Variants in SLC35F2 observed in about 807,000 individuals in gnomAD.
SLC35F2 encodes queuine/queuosine transporter SLC35F2.
Under a neutral mutation model 38.1 loss-of-function variants are expected in SLC35F2, and 25 were observed. The ratio of observed to expected loss-of-function variants is 0.66; its 90% confidence interval spans 0.48 to 0.92. The LOEUF (loss-of-function observed/expected upper bound fraction) is 0.92. SLC35F2 is among the 40% of genes least tolerant of loss of function. SLC35F2 has a pLI of 0.00. For missense variants in SLC35F2, 409 were observed against 452.9 expected, an observed-to-expected ratio of 0.90 and a Z score of 0.88; for synonymous variants, 173 against 181.7, an observed-to-expected ratio of 0.95 and a Z score of 0.38.
In SLC35F2 at chr11:107,792,366, C is replaced by CCTCAT. The variant is rs1234338945; in HGVS notation, c.*244_*248dup. ...CTAAGACCCCAGTGTGGAGTCTGCA[C>CCTCAT]CTCATCTCCTCAACACGAACAGATA... On this transcript the variant is annotated 3_prime_UTR_variant, in exon 8 of 8. Coordinates refer to ENST00000525815, the MANE Select transcript of SLC35F2 (RefSeq NM_017515.5). 3 of 380,388 alleles carry CCTCAT rather than the reference C, an allele frequency of 7.9e-6. No homozygotes were observed. Among genetic ancestry groups the CCTCAT allele is most frequent in the African/African-American group, 6.3e-5 (3 of 47,508 alleles). The allele number at this position is 380,388 out of a possible 1,614,324, so 23.6% of individuals were successfully genotyped here. A position where few individuals can be genotyped will look rare whatever the true frequency, so the allele number is the denominator to read the frequency against.
chr11:107,857,867 T>C (rs544982680), intron 1 of SLC35F2, among the ~76,000 whole-genome samples: 1 of 152,224 alleles, frequency 6.6e-6, no homozygotes, highest in African/African-American at 2.4e-5. Flanking sequence ...TCTCCTAAAG[T>C]GGTGAGGATT....
intron 1 of SLC35F2, among the ~76,000 whole-genome samples, chr11:107,825,556 G>A (rs1409175510): frequency 6.6e-6 from 1 of 151,900 alleles, no homozygotes; most frequent in African/African-American, 2.4e-5. Flanking sequence ...AGTTTTAGTA[G>A]AGACGGGTTT....
At chr11:107,796,627 A>T (rs1591183043) in intron 7 of SLC35F2, among the ~76,000 whole-genome samples, 1 of 152,050 alleles carries the variant, frequency 6.6e-6, no homozygotes, top group Non-Finnish European at 1.5e-5. Context: ...GCTGTGGAGG[A>T]TGTGTGGATT....
chr11:107,805,220 C>A (rs1019815073), intron 5 of SLC35F2, 139 bp downstream of exon 5: 1 of 1,388,206 alleles, frequency 7.2e-7, no homozygotes, highest in Non-Finnish European at 9.4e-7. Context: ...TAGGTAATGG[C>A]AAAACCACAA....
At chr11:107,828,981 G>A (rs1372235706) in intron 1 of SLC35F2, among the ~76,000 whole-genome samples, 2 of 151,698 alleles carry the variant, frequency 1.3e-5, no homozygotes, top group East Asian at 1.9e-4. Context: ...GGTGGTGCAC[G>A]CCTGTAGTCC....
At position 107,858,648 on chromosome 11, in the gene SLC35F2, T is replaced by C; in HGVS notation, c.110+10A>G. 7.8e-7 allele frequency: 1 copy of C among 1,288,002 alleles called. No individual in the cohort carries two copies. Among genetic ancestry groups the C allele is most frequent in the Non-Finnish European group, 9.9e-7 (1 of 1,009,852 alleles). 79.8% of individuals were successfully genotyped at this position (1,288,002 alleles called of 1,614,324 possible). A position where few individuals can be genotyped will look rare whatever the true frequency, so the allele number is the denominator to read the frequency against. ...CCCCAGCGGAGCTGCAGCACGCCCC[T>C]TCCACTCACCAGGTGAAGAGTTTGC... On this transcript the variant is annotated intron_variant, in intron 1 of 7. Transcript: ENST00000525815.
intron 1 of SLC35F2, among the ~76,000 whole-genome samples, chr11:107,820,093 T>C (rs1049620198): frequency 6.6e-6 from 1 of 151,430 alleles, no homozygotes; most frequent in African/African-American, 2.4e-5. Context: ...CAGTCTCTAC[T>C]AAAAATACAA....
intron 6 of SLC35F2, among the ~76,000 whole-genome samples, chr11:107,804,328 A>G (rs1276952809): frequency 6.6e-6 from 1 of 152,122 alleles, no homozygotes; most frequent in African/African-American, 2.4e-5. Context: ...GACAGGAGCA[A>G]TGGGAGGTGA....
chr11:107,802,232 C>A (rs1254109226), intron 7 of SLC35F2, among the ~76,000 whole-genome samples: 2 of 112,964 alleles, frequency 1.8e-5, no homozygotes, highest in East Asian at 5.6e-4. Context: ...AGTGAGACTC[C>A]ATCTCAAAAA....
intron 1 of SLC35F2, among the ~76,000 whole-genome samples, chr11:107,823,480 GAAT>G (rs1859706855): frequency 6.6e-6 from 1 of 152,022 alleles, no homozygotes; most frequent in Admixed American, 6.6e-5. Context: ...ACCTGGTAAA[GAAT>G]AATAACTTCC....
intron 1 of SLC35F2, among the ~76,000 whole-genome samples, chr11:107,837,524 C>CCAAA (rs1859948426): frequency 1.8e-5 from 1 of 56,816 alleles, no homozygotes; most frequent in Admixed American, 1.4e-4. Context: ...CCTGTCTCTA[C>CCAAA]TAAAAAAAAA....
chr11:107,793,071 C>G (rs1859158819), intron 7 of SLC35F2: 1 of 252,124 alleles, frequency 4.0e-6, no homozygotes, highest in Admixed American at 6.6e-5. Flanking sequence ...CACTCACCAC[C>G]ACACCCGGCC....
intron 1 of SLC35F2, among the ~76,000 whole-genome samples, chr11:107,842,287 T>TAAAAAAAAAAAAAAAAAAAAAAA (rs1292690214): frequency 4.2e-5 from 3 of 71,182 alleles, no homozygotes; most frequent in Admixed American, 2.9e-4. Flanking sequence ...AAAAAAAAAT[T>TAAAAAAAAAAAAAAAAAAAAAAA]AAAGCTTGAC....
At chr11:107,853,016 A>G (rs911180303) in intron 1 of SLC35F2, among the ~76,000 whole-genome samples, 1 of 152,112 alleles carries the variant, frequency 6.6e-6, no homozygotes, top group African/African-American at 2.4e-5. Flanking sequence ...TCTCAAAAAA[A>G]CAAAGTAATG....
chr11:107,823,304 T>G, intron 1 of SLC35F2: 1 of 725,854 alleles, frequency 1.4e-6, no homozygotes, highest in African/African-American at 1.9e-5. Flanking sequence ...GATGCATTAT[T>G]TGAATGCAAA....
At chr11:107,854,186 T>C (rs1565443890) in intron 1 of SLC35F2, among the ~76,000 whole-genome samples, 1 of 152,072 alleles carries the variant, frequency 6.6e-6, no homozygotes, top group Non-Finnish European at 1.5e-5. Context: ...AATCCCAACA[T>C]TTTGGAAAGC....
At chr11:107,804,669 ATTTG>A (rs1859366233) in intron 6 of SLC35F2, 45 bp downstream of exon 6, 3 of 1,325,046 alleles carry the variant, frequency 2.3e-6, no homozygotes, top group Non-Finnish European at 3.2e-6. Flanking sequence ...CTAGATGTTC[ATTTG>A]TTTGTTAAAG....
At chr11:107,847,038 A>T (rs1216421950) in intron 1 of SLC35F2, among the ~76,000 whole-genome samples, 2 of 152,100 alleles carry the variant, frequency 1.3e-5, no homozygotes, top group African/African-American at 4.8e-5. Context: ...TTCAGTAAAT[A>T]ATGGCATAGG....
At position 107,806,766 on chromosome 11, in the gene SLC35F2, T is replaced by C; in HGVS notation, c.525A>G (p.Val175=). ...FIAVAVCLLG[V]GTMVGADILA... is the part of the protein sequence containing the mutation. ...GTATGTCTGCACCAACCATGGTTCC[T>C]ACACCCAACAGACAGACAGCCACGG... The change falls in exon 4 of 8, where the codon GTA becomes GTG. Residue 175 remains valine (V), a synonymous_variant. Transcript: ENST00000525815. 1 of 1,614,106 alleles carries C rather than the reference T, an allele frequency of 6.2e-7. No homozygotes were observed. Among genetic ancestry groups the C allele is most frequent in the Non-Finnish European group, 8.5e-7 (1 of 1,179,954 alleles).
Sources: gnomAD v4.1 joint callset for allele counts (sites outside exome capture counted in the v4.1 genomes callset) on GRCh38, gnomAD v4.1.1 for gene constraint, MANE v1.5 for transcripts, NCBI Gene and HGNC (gene_info 2026-07-23, HGNC 2026-07-21) for gene names.